Variants in C2orf66 observed in about 807,000 individuals in gnomAD.
C2orf66 encodes chromosome 2 open reading frame 66, also known as uncharacterized protein C2orf66.
Under a neutral mutation model 7.0 loss-of-function variants are expected in C2orf66, and 6 were observed. The ratio of observed to expected loss-of-function variants is 0.86; its 90% CI spans 0.47 to 1.69. The LOEUF (loss-of-function observed/expected upper bound fraction) is 1.69, where lower values mean the gene tolerates loss of function less well. C2orf66 is among the 40% of genes most tolerant of loss of function. The pLI, the probability that C2orf66 is intolerant of heterozygous loss-of-function variation, is 0.01. For missense variants in C2orf66, 107 were observed against 112.0 expected (o/e 0.96, Z 0.20); for synonymous variants, 38 against 43.8 (o/e 0.87, Z 0.52).
At chr2:196,812,755 T>A (rs1449959309), upstream of C2orf66, among the ~76,000 whole-genome samples, 1 of 152,176 alleles carries the variant, frequency 6.6e-6, no homozygotes, top group Non-Finnish European at 1.5e-5. Context: ...CAAAAATCAA[T>A]GTGCAAAAAT....
At chr2:196,829,623 T>C in the C2orf66 span, among the ~76,000 whole-genome samples, 17,489 of 147,762 alleles carry the variant, frequency 0.12, 1,103 homozygotes, top group African/African-American at 0.16. Context: ...AGGGGCCGGG[T>C]GCAGTGGCTC....
chr2:196,823,255 C>T, the C2orf66 span, among the ~76,000 whole-genome samples: 7 of 152,086 alleles, frequency 4.6e-5, no homozygotes, highest in Admixed American at 1.3e-4. Context: ...GTTAAATAGA[C>T]TTTAAACTTG....
At position 196,807,411 on chromosome 2, in the gene C2orf66, G is replaced by C. The variant is rs1576048181; in HGVS notation, c.*19+13C>G. 1 of 1,539,428 alleles carries C rather than the reference G, an allele frequency of 6.5e-7. No individual in the cohort carries two copies. The highest frequency in any genetic ancestry group is 8.9e-7 in the Non-Finnish European group (1 of 1,127,846). On this transcript the variant is annotated intron_variant, in intron 2 of 2. Transcript: ENST00000342506. ...ATGTTTGGACAGATCCAGAATAAAG[G>C]GCCAACTTTTACCTGAGCTCAGAAG...
rs1473699314 is a variant in C2orf66, at chr2:196,804,929, G to T, written c.*499C>A. On this transcript the variant is annotated 3_prime_UTR_variant, in exon 3 of 3. Coordinates refer to ENST00000342506, the MANE Select transcript of C2orf66 (RefSeq NM_213608.3). ...TGAAACTAAAACTGTGAAGTATTTTGGTAGTGTATGCTGAACATGGGAATG... is the reference window on the plus strand; with the variant it reads ...TGAAACTAAAACTGTGAAGTATTTTTGTAGTGTATGCTGAACATGGGAATG... The T allele has an allele frequency of 2.0e-5, 3 of 152,058 alleles. No individual in the cohort carries two copies. The highest frequency in any genetic ancestry group is 7.2e-5 in the African/African-American group (3 of 41,388). 9.4% of individuals were successfully genotyped at this position (152,058 alleles called of 1,614,324 possible). A position where few individuals can be genotyped will look rare whatever the true frequency, so the allele number is the denominator to read the frequency against.
At chr2:196,817,327 T>C in the C2orf66 span, among the ~76,000 whole-genome samples, 1 of 148,678 alleles carries the variant, frequency 6.7e-6, no homozygotes, top group Non-Finnish European at 1.5e-5. Flanking sequence ...CTCCGCCTCC[T>C]GGGTTCATGC....
the C2orf66 span, among the ~76,000 whole-genome samples, chr2:196,830,891 T>C: frequency 2.0e-5 from 3 of 152,094 alleles, no homozygotes; most frequent in Non-Finnish European, 2.9e-5. Context: ...CTAGGCTTTC[T>C]TCTTTGAGGG....
In C2orf66 at chr2:196,805,081, CATAAA is replaced by C. The variant is rs1454973584; in HGVS notation, c.*342_*346del. ...ATATTGGTCGATAAAAGATAATAAACATAAAAGACAAGTTTTAAAAACAAGCTTAA... is the reference window on the plus strand; with the variant it reads ...ATATTGGTCGATAAAAGATAATAAACAGACAAGTTTTAAAAACAAGCTTAA... On this transcript the variant is annotated 3_prime_UTR_variant, in exon 3 of 3. Coordinates refer to ENST00000342506, the MANE Select transcript of C2orf66 (RefSeq NM_213608.3). 7.2e-5 allele frequency: 11 copies of C among 152,052 alleles called. No individual in the cohort carries two copies. The highest frequency in any genetic ancestry group is 2.6e-4 in the Admixed American group (4 of 15,264). The allele number at this position is 152,052 out of a possible 1,614,324, so 9.4% of individuals were successfully genotyped here.
the C2orf66 span, among the ~76,000 whole-genome samples, chr2:196,818,549 CA>C: frequency 2.6e-5 from 4 of 152,294 alleles, no homozygotes; most frequent in South Asian, 8.3e-4. Context: ...GCCCTAAGTT[CA>C]AGCCATTTCT....
upstream of C2orf66, among the ~76,000 whole-genome samples, chr2:196,811,505 G>C (rs116070941): frequency 2.1e-3 from 324 of 152,268 alleles, 2 homozygotes; most frequent in African/African-American, 7.3e-3. Flanking sequence ...ACTACGGGGA[G>C]GGGGGCTAAG....
chr2:196,812,195 A>G (rs1559312737), upstream of C2orf66, among the ~76,000 whole-genome samples: 1 of 152,220 alleles, frequency 6.6e-6, no homozygotes, highest in African/African-American at 2.4e-5. Context: ...CTGGAATTGT[A>G]TTACATCACT....
chr2:196,821,577 A>T, the C2orf66 span, among the ~76,000 whole-genome samples: 1 of 152,220 alleles, frequency 6.6e-6, no homozygotes, highest in South Asian at 2.1e-4. Context: ...GATTTTACAT[A>T]AGTCAAACTA....
chr2:196,825,042 T>A, the C2orf66 span, among the ~76,000 whole-genome samples: 2 of 152,076 alleles, frequency 1.3e-5, no homozygotes, highest in African/African-American at 4.8e-5. Flanking sequence ...AAGACTAGCC[T>A]GGCTAACACA....
the C2orf66 span, among the ~76,000 whole-genome samples, chr2:196,828,946 A>C: frequency 6.6e-6 from 1 of 152,188 alleles, no homozygotes; most frequent in Non-Finnish European, 1.5e-5. Context: ...GCAGAGAACA[A>C]ACACACTAGG....
chr2:196,832,087 G>C, the C2orf66 span: 1 of 152,238 alleles, frequency 6.6e-6, no homozygotes, highest in East Asian at 1.9e-4. Flanking sequence ...AGGCGCAGTG[G>C]CTCATGCCTG....
At chr2:196,818,166 G>A in the C2orf66 span, among the ~76,000 whole-genome samples, 1 of 152,208 alleles carries the variant, frequency 6.6e-6, no homozygotes, top group South Asian at 2.1e-4. Flanking sequence ...GCTCCAGCCA[G>A]TCCCTCCATT....
At chr2:196,809,946 C>T (rs1037339223), upstream of C2orf66, 1 of 152,220 alleles carries the variant, frequency 6.6e-6, no homozygotes, top group Non-Finnish European at 1.5e-5. Context: ...CCTAGGTTAT[C>T]CTGCCTATAA....
chr2:196,826,330 A>G, the C2orf66 span, among the ~76,000 whole-genome samples: 1 of 152,192 alleles, frequency 6.6e-6, no homozygotes, highest in Admixed American at 6.5e-5. Flanking sequence ...CTTCATTACA[A>G]CCTTCTAAAT....
chr2:196,806,779 C>T (rs1029964731), intron 2 of C2orf66, among the ~76,000 whole-genome samples: 1 of 151,912 alleles, frequency 6.6e-6, no homozygotes, highest in Admixed American at 6.6e-5. Flanking sequence ...TCCTTTGAAC[C>T]CAGGAGGTGG....
chr2:196,812,686 A>G (rs997499382), upstream of C2orf66, among the ~76,000 whole-genome samples: 2 of 152,324 alleles, frequency 1.3e-5, no homozygotes, highest in Admixed American at 6.5e-5. Context: ...AGAAAACCCC[A>G]TTGTCTCAGC....
Sources: gnomAD v4.1 joint callset for allele counts (sites outside exome capture counted in the v4.1 genomes callset) on GRCh38, gnomAD v4.1.1 for gene constraint, MANE v1.5 for transcripts, NCBI Gene and HGNC (gene_info 2026-07-23, HGNC 2026-07-21) for gene names.